The following CCDC91 variants were observed in gnomAD, a reference collection of about 807,000 sequenced individuals.
The protein encoded by CCDC91 is coiled-coil domain-containing protein 91.
In CCDC91, 48 loss-of-function variants were observed where a neutral mutation model predicts 63.2. That is an observed-to-expected ratio of 0.76 (90% CI 0.60 to 0.97). The LOEUF is 0.97. Among genes scored for constraint, CCDC91 ranks in the 50% least tolerant of loss-of-function variants. The probability of loss-of-function intolerance (pLI) is 0.00; values close to 1 mark genes in which losing one functional copy is unlikely to be tolerated. For missense variants in CCDC91, 500 were observed against 494.6 expected (o/e 1.01, Z -0.10); for synonymous variants, 167 against 165.8 (o/e 1.01, Z -0.06).
At chr12:28,353,622 G>A (rs1244061334) in intron 6 of CCDC91, among the ~76,000 whole-genome samples, 1 of 152,150 alleles carries the variant, frequency 6.6e-6, no homozygotes, top group African/African-American at 2.4e-5. Flanking sequence ...GGAGAGAGGG[G>A]TAGATGGGGA....
At chr12:28,393,834 C>G (rs1946102819) in intron 8 of CCDC91, among the ~76,000 whole-genome samples, 1 of 152,074 alleles carries the variant, frequency 6.6e-6, no homozygotes, top group Non-Finnish European at 1.5e-5. Context: ...ATAATGCCTT[C>G]TCAAAAGTGG....
chr12:28,487,606 A>C (rs527237671), intron 12 of CCDC91, among the ~76,000 whole-genome samples: 1 of 151,776 alleles, frequency 6.6e-6, no homozygotes, highest in East Asian at 1.9e-4. Flanking sequence ...TTTACATCAG[A>C]GAACACATTT....
At chr12:28,522,921 G>A (rs139999672) in intron 12 of CCDC91, among the ~76,000 whole-genome samples, 2,459 of 152,268 alleles carry the variant, frequency 0.016, 65 homozygotes, top group African/African-American at 0.056. Context: ...TAGTTTGATT[G>A]CCCTGTGGTC....
At chr12:28,363,495 A>G (rs977208548) in intron 7 of CCDC91, among the ~76,000 whole-genome samples, 7 of 152,216 alleles carry the variant, frequency 4.6e-5, no homozygotes, top group Admixed American at 2.0e-4. Context: ...TTACAGTTAG[A>G]ATATAGAAAT....
intron 8 of CCDC91, among the ~76,000 whole-genome samples, chr12:28,428,068 AT>A (rs748371663): frequency 1.3e-5 from 2 of 152,078 alleles, no homozygotes; most frequent in Admixed American, 6.6e-5. Flanking sequence ...TCTGAATACA[AT>A]TGTTATTTAT....
chr12:28,480,006 G>C (rs903573072), intron 11 of CCDC91, among the ~76,000 whole-genome samples: 2 of 151,958 alleles, frequency 1.3e-5, no homozygotes, highest in Non-Finnish European at 2.9e-5. Context: ...TTTACATCTT[G>C]GGTTGCTGAC....
intron 1 of CCDC91, among the ~76,000 whole-genome samples, chr12:28,250,508 T>C (rs1170470603): frequency 6.6e-6 from 1 of 152,084 alleles, no homozygotes; most frequent in African/African-American, 2.4e-5. Context: ...GATGAGAATA[T>C]AAAGTAGCAA....
intron 12 of CCDC91, among the ~76,000 whole-genome samples, chr12:28,502,521 A>G (rs1459214350): frequency 1.3e-5 from 2 of 150,458 alleles, no homozygotes; most frequent in African/African-American, 4.8e-5. Context: ...GGTAATTTAT[A>G]GATTCAATGC....
chr12:28,305,917 T>A (rs1281078257), intron 4 of CCDC91, 111 bp downstream of exon 4: 4 of 863,092 alleles, frequency 4.6e-6, no homozygotes, highest in Non-Finnish European at 7.0e-6. Context: ...AAAGAAGTAT[T>A]TCTGCAATAG....
At chr12:28,234,754 G>A (rs1363223858) in intron 1 of CCDC91, among the ~76,000 whole-genome samples, 1 of 151,218 alleles carries the variant, frequency 6.6e-6, no homozygotes, top group Non-Finnish European at 1.5e-5. Flanking sequence ...TTGATAATTT[G>A]AAAGTTTTTT....
At chr12:28,494,076 C>G (rs1030448634) in intron 12 of CCDC91, among the ~76,000 whole-genome samples, 1 of 151,680 alleles carries the variant, frequency 6.6e-6, no homozygotes, top group African/African-American at 2.4e-5. Flanking sequence ...TGCTGCTTTT[C>G]AAAGGGATAA....
intron 8 of CCDC91, among the ~76,000 whole-genome samples, chr12:28,415,379 G>A (rs1592605441): frequency 1.3e-5 from 2 of 151,758 alleles, no homozygotes; most frequent in Non-Finnish European, 2.9e-5. Flanking sequence ...ATGCACCACC[G>A]TGCCCGGCTA....
At chr12:28,315,752 C>T (rs1939792890) in intron 6 of CCDC91, among the ~76,000 whole-genome samples, 1 of 151,618 alleles carries the variant, frequency 6.6e-6, no homozygotes, top group Non-Finnish European at 1.5e-5. Context: ...AAGTCTACAC[C>T]TCATCCTCTG....
At chr12:28,300,362 T>G (rs959635722) in intron 3 of CCDC91, among the ~76,000 whole-genome samples, 4 of 151,616 alleles carry the variant, frequency 2.6e-5, no homozygotes, top group African/African-American at 9.7e-5. Context: ...ATGCTGCTTT[T>G]ATCACATACT....
chr12:28,363,103 A>G (rs1406276608), intron 7 of CCDC91, among the ~76,000 whole-genome samples: 3 of 152,112 alleles, frequency 2.0e-5, no homozygotes, highest in Non-Finnish European at 2.9e-5. Flanking sequence ...TTTTTCTTTT[A>G]CAAGTAATTA....
At chr12:28,328,906 A>C (rs1941254601) in intron 6 of CCDC91, among the ~76,000 whole-genome samples, 1 of 152,132 alleles carries the variant, frequency 6.6e-6, no homozygotes, top group South Asian at 2.1e-4. Flanking sequence ...AATAAGAAAA[A>C]CAGTTTAAGT....
chr12:28,441,660 TATATATATCTC>T (rs1208066888), intron 8 of CCDC91, among the ~76,000 whole-genome samples: 5 of 149,168 alleles, frequency 3.4e-5, no homozygotes, highest in South Asian at 2.1e-4. Context: ...TATGTGTATA[TATATATATCTC>T]ATATATATCT....
intron 6 of CCDC91, among the ~76,000 whole-genome samples, chr12:28,322,870 A>G (rs1426270681): frequency 6.6e-6 from 1 of 151,662 alleles, no homozygotes; most frequent in Non-Finnish European, 1.5e-5. Flanking sequence ...CAGACTTTTA[A>G]TATGCCAGTT....
At chr12:28,320,091 A>G (rs1940328518) in intron 6 of CCDC91, among the ~76,000 whole-genome samples, 1 of 151,964 alleles carries the variant, frequency 6.6e-6, no homozygotes, top group African/African-American at 2.4e-5. Flanking sequence ...CAGAAATGCT[A>G]TGCTATTATA....
Sources: gnomAD v4.1 joint callset for allele counts (sites outside exome capture counted in the v4.1 genomes callset) on GRCh38, gnomAD v4.1.1 for gene constraint, MANE v1.5 for transcripts, NCBI Gene and HGNC (gene_info 2026-07-23, HGNC 2026-07-21) for gene names.